Variants in GRID1 observed in about 807,000 individuals in gnomAD.
GRID1 encodes glutamate ionotropic receptor delta type subunit 1, also known as glutamate receptor ionotropic, delta-1.
GRID1 carries 28 observed loss-of-function variants against 98.0 expected under a neutral mutation model. That is an observed-to-expected ratio of 0.29 (90% CI 0.21 to 0.39). GRID1 has a LOEUF of 0.39. Ranked by LOEUF, GRID1 falls within the 10% of genes least tolerant of loss-of-function variation. The pLI is 1.00. For synonymous variants in GRID1, 553 were observed against 538.5 expected (o/e 1.03, Z -0.37); for missense variants, 1,111 against 1,340.5 (o/e 0.83, Z 2.67).
chr10:85,620,617 G>A (rs982987066), intron 13 of GRID1, among the ~76,000 whole-genome samples: 2 of 152,144 alleles, frequency 1.3e-5, no homozygotes, highest in African/African-American at 2.4e-5. Flanking sequence ...TGTGCATGAG[G>A]AAAAATCCAT....
At chr10:86,157,898 C>T (rs2131984392) in intron 3 of GRID1, among the ~76,000 whole-genome samples, 1 of 152,340 alleles carries the variant, frequency 6.6e-6, no homozygotes, top group South Asian at 2.1e-4. Context: ...GTGTGGCTGC[C>T]TGAGCTCCGG....
At chr10:86,278,688 C>T (rs989213684) in intron 2 of GRID1, among the ~76,000 whole-genome samples, 3 of 152,092 alleles carry the variant, frequency 2.0e-5, no homozygotes, top group African/African-American at 7.2e-5. Context: ...GGACCAATTC[C>T]TTGAAAGACA....
intron 4 of GRID1, among the ~76,000 whole-genome samples, chr10:86,080,761 C>T (rs191334038): frequency 6.6e-6 from 1 of 152,192 alleles, no homozygotes; most frequent in Admixed American, 6.5e-5. Flanking sequence ...AAAAGCAGCA[C>T]ACTAAGAAAT....
chr10:86,210,966 C>T (rs1029551881), intron 2 of GRID1, among the ~76,000 whole-genome samples: 2 of 152,210 alleles, frequency 1.3e-5, no homozygotes, highest in Non-Finnish European at 2.9e-5. Flanking sequence ...TGGCCGGAGT[C>T]CGGGGCCTGC....
Position 85,840,608 on chromosome 10 carries a change from T to C in GRID1, c.1233+13888A>G, listed in dbSNP as rs1267387284. ...AAACCACATAGACTCTGATCAAAAGTTTCTTAAACTGATAAAGAACTTCAG... is the reference window on the plus strand; with the variant it reads ...AAACCACATAGACTCTGATCAAAAGCTTCTTAAACTGATAAAGAACTTCAG... On this transcript the variant is annotated intron_variant, in intron 8 of 15. Transcript: ENST00000327946. 2.6e-5 allele frequency among the ~76,000 whole-genome samples: 4 copies of C among 152,044 alleles called. No homozygotes were observed. The East Asian group carries it at 7.7e-4, about 29-fold the overall frequency.
At chr10:86,204,165 C>CT (rs1564705522) in intron 3 of GRID1, among the ~76,000 whole-genome samples, 1 of 152,204 alleles carries the variant, frequency 6.6e-6, no homozygotes, top group African/African-American at 2.4e-5. Context: ...GCCTACACCC[C>CT]TTCCCTGCTA....
chr10:85,747,653 A>G, intron 8 of GRID1, among the ~76,000 whole-genome samples: 1 of 152,332 alleles, frequency 6.6e-6, no homozygotes, highest in South Asian at 2.1e-4. Context: ...GGATATAAGC[A>G]TAACAATAAT....
intron 4 of GRID1, among the ~76,000 whole-genome samples, chr10:85,974,943 A>G (rs1194883645): frequency 2.0e-5 from 3 of 152,190 alleles, no homozygotes; most frequent in Non-Finnish European, 4.4e-5. Context: ...CCTTTGATTG[A>G]CTTTGATCAG....
At chr10:85,668,332 A>G (rs60295221) in intron 12 of GRID1, among the ~76,000 whole-genome samples, 6,840 of 152,198 alleles carry the variant, frequency 0.045, 462 homozygotes, top group African/African-American at 0.15. Context: ...TTGTGTGTAT[A>G]TGTGTGGTTG....
intron 4 of GRID1, among the ~76,000 whole-genome samples, chr10:85,947,161 A>C (rs1842064006): frequency 6.6e-6 from 1 of 152,156 alleles, no homozygotes; most frequent in East Asian, 1.9e-4. Context: ...CCCCACACAG[A>C]AGGGGAAGTG....
At chr10:86,298,102 T>C (rs1056144487) in intron 2 of GRID1, among the ~76,000 whole-genome samples, 1 of 152,230 alleles carries the variant, frequency 6.6e-6, no homozygotes, top group Non-Finnish European at 1.5e-5. Flanking sequence ...CAAAAAGATG[T>C]TCAACATGAT....
chr10:86,296,118 C>T (rs1847585331), intron 2 of GRID1, among the ~76,000 whole-genome samples: 1 of 152,242 alleles, frequency 6.6e-6, no homozygotes, highest in Non-Finnish European at 1.5e-5. Flanking sequence ...GCAGCCACAG[C>T]CCATCTCCAA....
chr10:86,015,671 T>A (rs980066801), intron 4 of GRID1, among the ~76,000 whole-genome samples: 1 of 152,200 alleles, frequency 6.6e-6, no homozygotes, highest in African/African-American at 2.4e-5. Flanking sequence ...GGGCCCAGAC[T>A]CCCTTGGTTG....
At position 85,841,880 on chromosome 10, in the gene GRID1, G is replaced by A. The variant is rs547413016; in HGVS notation, c.1233+12616C>T. On this transcript the variant is annotated intron_variant, in intron 8 of 15. Transcript: ENST00000327946. ...GAACACTTATATACTGTTAGTAGGG[G>A]TGTAAATTAGTTCAACCATTGTGGA... 1.2e-4 allele frequency among the ~76,000 whole-genome samples: 19 copies of A among 152,088 alleles called. 1 individual carries two copies. The South Asian group carries it at 3.7e-3, about 30-fold the overall frequency.
chr10:85,739,450 T>C (rs1841919285), intron 8 of GRID1, among the ~76,000 whole-genome samples: 1 of 151,992 alleles, frequency 6.6e-6, no homozygotes, highest in Non-Finnish European at 1.5e-5. Context: ...CCAGGCATTG[T>C]GTCATGCACC....
chr10:85,937,000 C>A (rs561215807), intron 4 of GRID1, among the ~76,000 whole-genome samples: 1 of 152,302 alleles, frequency 6.6e-6, no homozygotes, highest in South Asian at 2.1e-4. Flanking sequence ...CCCAGACCGA[C>A]CTGGAGAGCA....
chr10:86,125,198 A>G (rs1439233612), intron 4 of GRID1, among the ~76,000 whole-genome samples: 1 of 152,266 alleles, frequency 6.6e-6, no homozygotes, highest in African/African-American at 2.4e-5. Context: ...GTGACTGCCA[A>G]TGGGCAAGGC....
chr10:86,195,894 T>C lies in GRID1; in HGVS notation c.520+10470A>G, dbSNP rs905020044. Reference sequence around the variant, plus strand: ...CTAGTCACACAAGATACAGGCAATTTCATCCTTTTAACATTCCAGAGCAAT... The same window carrying C: ...CTAGTCACACAAGATACAGGCAATTCCATCCTTTTAACATTCCAGAGCAAT... On this transcript the variant is annotated intron_variant, in intron 3 of 15. Transcript: ENST00000327946. This position sits in a 1 kb window ranked among gnomAD's most constrained non-coding sequence, Gnocchi z 4.4. 6.6e-6 allele frequency among the ~76,000 whole-genome samples: 1 copy of C among 152,130 alleles called. No individual in the cohort carries two copies. The highest frequency in any genetic ancestry group is 6.5e-5 in the Admixed American group (1 of 15,274).
At chr10:86,030,009 C>A (rs1006538575) in intron 4 of GRID1, among the ~76,000 whole-genome samples, 4 of 152,218 alleles carry the variant, frequency 2.6e-5, no homozygotes, top group Non-Finnish European at 4.4e-5. Context: ...CACCTTCTAA[C>A]TGAAATATTG....
Sources: allele counts gnomAD v4.1 joint callset (sites outside exome capture counted in the v4.1 genomes callset), GRCh38; gene constraint gnomAD v4.1.1; non-coding constraint Gnocchi (gnomAD v3.1); transcripts MANE v1.5; gene names NCBI Gene and HGNC (gene_info 2026-07-23, HGNC 2026-07-21).